Variants in MAP1B observed in about 807,000 individuals in gnomAD.
The protein encoded by MAP1B is microtubule associated protein 1B, also known as microtubule-associated protein 1B.
Under a neutral mutation model 176.1 loss-of-function variants are expected in MAP1B, and 12 were observed. The observed-to-expected ratio is 0.07, with a 90% CI of 0.04 to 0.11. The LOEUF is 0.11. Among genes scored for constraint, MAP1B ranks in the 10% least tolerant of loss-of-function variants. The probability of loss-of-function intolerance (pLI) is 1.00; values close to 1 mark genes in which losing one functional copy is unlikely to be tolerated. For synonymous variants in MAP1B, 1,044 were observed against 1,135.0 expected (o/e 0.92, Z 1.61); for missense variants, 2,523 against 2,990.5 (o/e 0.84, Z 3.65).
intron 2 of MAP1B, among the ~76,000 whole-genome samples, chr5:72,139,879 T>C (rs902357676): frequency 6.6e-6 from 1 of 152,150 alleles, no homozygotes; most frequent in African/African-American, 2.4e-5. Context: ...ACCTGATACA[T>C]AAGAAAAGCC....
chr5:72,164,428 A>G (rs1746389416), intron 2 of MAP1B, among the ~76,000 whole-genome samples: 1 of 152,178 alleles, frequency 6.6e-6, no homozygotes, highest in Non-Finnish European at 1.5e-5. Context: ...CTTGAGTTGA[A>G]GAGCAGTGGT....
At chr5:72,151,060 C>T (rs1485273204) in intron 2 of MAP1B, among the ~76,000 whole-genome samples, 1 of 152,130 alleles carries the variant, frequency 6.6e-6, no homozygotes, top group African/African-American at 2.4e-5. Flanking sequence ...GGGTTTGGCT[C>T]ATGGATCTGC....
intron 2 of MAP1B, among the ~76,000 whole-genome samples, chr5:72,135,378 T>C (rs925898434): frequency 2.0e-5 from 3 of 152,214 alleles, no homozygotes; most frequent in Non-Finnish European, 4.4e-5. Flanking sequence ...ACCTTATTAC[T>C]TGAGTGAGTA....
In MAP1B at chr5:72,193,938, G is replaced by A; in HGVS notation, c.583G>A (p.Asp195Asn). Residue 195 changes from aspartate (D) to asparagine (N), a missense_variant, in exon 5 of 7, where the codon GAC (aspartate) becomes AAC (asparagine). Around this residue, in one of 4 missense-constraint regions of MAP1B, gnomAD observed 307 missense variants for 438.4 expected, o/e 0.70. Transcript: ENST00000296755. ...AACCCTGTTCTGTCCTGAAGAAGGG[G>A]ACTGGAAGAACTCCAATCTTGACAG... ...SLTLFCPEEG[D>N]WKNSNLDRHN... is the part of the protein sequence containing the mutation. The A allele has an allele frequency of 6.2e-7, 1 of 1,614,060 alleles. No homozygotes were observed. Among genetic ancestry groups the A allele is most frequent in the Non-Finnish European group, 8.5e-7 (1 of 1,179,974 alleles).
chr5:72,191,921 T>C (rs902508145), intron 4 of MAP1B, among the ~76,000 whole-genome samples: 6 of 152,292 alleles, frequency 3.9e-5, no homozygotes, highest in Middle Eastern at 3.4e-3. Context: ...ATTCCTTAAG[T>C]CTTTCTACCT....
In MAP1B at chr5:72,178,425, A is replaced by G. The variant is rs555528277; in HGVS notation, c.287-5318A>G. Among the ~76,000 whole-genome samples the G allele has an allele frequency of 1.2e-4, 19 of 152,380 alleles. No homozygotes were observed. In the South Asian group the frequency reaches 3.3e-3, roughly 27 times the overall value. The stretch of plus-strand genomic sequence containing the variant: ...CTCACACATTTTTCTCTCTAACTCC[A>G]GAATCTTCACATTGTAAGTTACTCC... On this transcript the variant is annotated intron_variant, in intron 2 of 6. Transcript: ENST00000296755.
intron 2 of MAP1B, among the ~76,000 whole-genome samples, chr5:72,130,023 A>C (rs1745700672): frequency 6.6e-6 from 1 of 152,188 alleles, no homozygotes; most frequent in South Asian, 2.1e-4. Context: ...TCAGATAGAA[A>C]TTCTATTGCT....
At chr5:72,126,180 C>T (rs951912849) in intron 2 of MAP1B, among the ~76,000 whole-genome samples, 2 of 152,156 alleles carry the variant, frequency 1.3e-5, no homozygotes, top group East Asian at 1.9e-4. Flanking sequence ...CTTCCCCCTC[C>T]GGAGAGACCA....
Position 72,205,074 on chromosome 5 carries a change from C to A in MAP1B, c.7252-10C>A. 3 of 1,573,878 alleles carry A rather than the reference C, an allele frequency of 1.9e-6. No homozygotes were observed. The South Asian group carries it at 3.6e-5, about 19-fold the overall frequency. On this transcript the variant is annotated splice_polypyrimidine_tract_variant and intron_variant, in intron 6 of 6. Transcript: ENST00000296755. ...CCTTAAATAGCTATTTTTTTTTTCT[C>A]TCCCTGCAGGTGACACTGATCCCAA...
At chr5:72,139,727 C>T (rs1226110035) in intron 2 of MAP1B, among the ~76,000 whole-genome samples, 8 of 152,104 alleles carry the variant, frequency 5.3e-5, no homozygotes, top group Admixed American at 5.2e-4. Flanking sequence ...TATGAGGAAA[C>T]CTCGTATATA....
At chr5:72,123,506 A>G (rs1745568374) in intron 2 of MAP1B, among the ~76,000 whole-genome samples, 1 of 140,568 alleles carries the variant, frequency 7.1e-6, no homozygotes, top group Non-Finnish European at 1.5e-5. Flanking sequence ...TTTTTTGAAG[A>G]TGGAGTCTCA....
intron 2 of MAP1B, among the ~76,000 whole-genome samples, chr5:72,166,171 C>T (rs1030053024): frequency 2.0e-5 from 3 of 152,188 alleles, no homozygotes; most frequent in Non-Finnish European, 2.9e-5. Context: ...ACATCATGTA[C>T]AAGGTATATC....
At chr5:72,151,934 A>G (rs1352043778) in intron 2 of MAP1B, among the ~76,000 whole-genome samples, 1 of 152,178 alleles carries the variant, frequency 6.6e-6, no homozygotes, top group South Asian at 2.1e-4. Context: ...GAGATAGTAC[A>G]GAGAGTTCTT....
intron 5 of MAP1B, among the ~76,000 whole-genome samples, chr5:72,203,163 G>A (rs1460245704): frequency 3.9e-5 from 6 of 152,086 alleles, no homozygotes; most frequent in Non-Finnish European, 8.8e-5. Flanking sequence ...AAATACAGAC[G>A]TTTTCTTTTG....
Position 72,197,060 on chromosome 5 carries a change from C to A in MAP1B, c.3705C>A (p.Thr1235=). The A allele has an allele frequency of 6.2e-7, 1 of 1,614,198 alleles. No individual in the cohort carries two copies. The highest frequency in any genetic ancestry group is 1.3e-5 in the African/African-American group (1 of 75,048). ...ACTGCTCTGAAGTGAAAGCCAGCACCACTTTGGACATCAAAGATAGCATCT... is the reference window on the plus strand; with the variant it reads ...ACTGCTCTGAAGTGAAAGCCAGCACAACTTTGGACATCAAAGATAGCATCT... The part of the protein sequence containing the change: ...DAYCSEVKAS[T]TLDIKDSISA... Residue 1235 remains threonine, a synonymous_variant, in exon 5 of 7, where the codon ACC becomes ACA. Coordinates refer to ENST00000296755, the MANE Select transcript of MAP1B (RefSeq NM_005909.5).
At chr5:72,181,205 C>T (rs1001882009) in intron 2 of MAP1B, among the ~76,000 whole-genome samples, 1 of 152,096 alleles carries the variant, frequency 6.6e-6, no homozygotes, top group African/African-American at 2.4e-5. Context: ...TTAGCTGTTA[C>T]TGAAAGTAGG....
intron 2 of MAP1B, among the ~76,000 whole-genome samples, chr5:72,117,821 C>G (rs1174878657): frequency 6.6e-6 from 1 of 152,166 alleles, no homozygotes; most frequent in Non-Finnish European, 1.5e-5. Flanking sequence ...CCAAGGCTCC[C>G]CTCTGGGAAT....
chr5:72,168,159 T>C (rs1746467175), intron 2 of MAP1B, among the ~76,000 whole-genome samples: 1 of 152,234 alleles, frequency 6.6e-6, no homozygotes, highest in Non-Finnish European at 1.5e-5. Context: ...GATATCTGAG[T>C]TTACACTGAG....
rs1747487096 is a variant in MAP1B, at chr5:72,207,917, TCA to T, written c.*2679_*2680del. ...ATTGTAGGAGAATTATAGCCAGTCTTCAGTTATAACCACTCCACCCTCCTCAC... is the reference window on the plus strand; with the variant it reads ...ATTGTAGGAGAATTATAGCCAGTCTTGTTATAACCACTCCACCCTCCTCAC... On this transcript the variant is annotated 3_prime_UTR_variant, in exon 7 of 7. Transcript: ENST00000296755. 1 of 151,814 alleles carries T rather than the reference TCA, an allele frequency of 6.6e-6. No homozygotes were observed. Among genetic ancestry groups the T allele is most frequent in the African/African-American group, 2.4e-5 (1 of 41,364 alleles). The allele number at this position is 151,814 out of a possible 1,614,324, so 9.4% of individuals were successfully genotyped here.
Sources: gnomAD v4.1 joint callset for allele counts (sites outside exome capture counted in the v4.1 genomes callset) on GRCh38, gnomAD v4.1.1 for gene constraint, gnomAD v4.1.1 regional missense constraint, MANE v1.5 for transcripts, NCBI Gene and HGNC (gene_info 2026-07-23, HGNC 2026-07-21) for gene names.